BBX: variants seen among roughly 807,000 people sequenced by gnomAD.
BBX encodes HMG box transcription factor BBX.
Under a neutral mutation model 100.2 loss-of-function variants are expected in BBX, and 30 were observed. That is an observed-to-expected ratio of 0.30 (90% CI 0.22 to 0.41). The LOEUF (loss-of-function observed/expected upper bound fraction) is 0.41. Among genes scored for constraint, BBX ranks in the 10% least tolerant of loss-of-function variants. BBX has a pLI of 1.00. For synonymous variants in BBX, 376 were observed against 388.1 expected (o/e 0.97, Z 0.37); for missense variants, 1,023 against 1,129.8 (o/e 0.91, Z 1.35).
chr3:107,611,090 T>C (rs556783612), intron 2 of BBX, among the ~76,000 whole-genome samples: 2 of 152,280 alleles, frequency 1.3e-5, no homozygotes, highest in South Asian at 4.1e-4. Context: ...TTAACACTGC[T>C]TGCCTAAACA....
chr3:107,595,791 T>G (rs1469649230), intron 2 of BBX, among the ~76,000 whole-genome samples: 1 of 152,216 alleles, frequency 6.6e-6, no homozygotes, highest in Non-Finnish European at 1.5e-5. Flanking sequence ...TAAAGCTTAC[T>G]CTTGAACAAC....
chr3:107,664,826 T>TA (rs2058656807), intron 3 of BBX, among the ~76,000 whole-genome samples: 1 of 152,226 alleles, frequency 6.6e-6, no homozygotes, highest in African/African-American at 2.4e-5. Context: ...CACAGAGGAC[T>TA]ATTTGCAAGC....
chr3:107,699,307 T>C (rs2060882095), intron 3 of BBX, among the ~76,000 whole-genome samples: 1 of 151,400 alleles, frequency 6.6e-6, no homozygotes, highest in East Asian at 1.9e-4. Flanking sequence ...GAGGTGGGAG[T>C]GCATGGCAAG....
intron 2 of BBX, among the ~76,000 whole-genome samples, chr3:107,601,077 G>A (rs940351654): frequency 6.6e-6 from 1 of 152,124 alleles, no homozygotes; most frequent in Admixed American, 6.6e-5. Context: ...TGATCTGTGA[G>A]GAGTGCTCTT....
intron 3 of BBX, among the ~76,000 whole-genome samples, chr3:107,677,160 T>C (rs888398137): frequency 8.5e-5 from 13 of 152,186 alleles, no homozygotes. Flanking sequence ...TAACCTGTAC[T>C]AATAACATTG....
intron 2 of BBX, among the ~76,000 whole-genome samples, chr3:107,622,984 C>T (rs1349692175): frequency 6.6e-6 from 1 of 152,174 alleles, no homozygotes; most frequent in Non-Finnish European, 1.5e-5. Context: ...GTGCTCTGAT[C>T]AGTAGTTCAG....
intron 2 of BBX, among the ~76,000 whole-genome samples, chr3:107,591,604 C>A (rs1396339580): frequency 6.6e-6 from 1 of 152,224 alleles, no homozygotes; most frequent in African/African-American, 2.4e-5. Context: ...CCTCCTGCCT[C>A]ATACTCCCGA....
intron 13 of BBX, among the ~76,000 whole-genome samples, chr3:107,780,271 C>G (rs2067740148): frequency 6.6e-6 from 1 of 152,084 alleles, no homozygotes; most frequent in South Asian, 2.1e-4. Context: ...GATAGATGTG[C>G]AGGACATTAT....
chr3:107,598,777 C>T (rs1217271744), intron 2 of BBX, among the ~76,000 whole-genome samples: 1 of 152,232 alleles, frequency 6.6e-6, no homozygotes, highest in African/African-American at 2.4e-5. Flanking sequence ...TTGCATTCCT[C>T]ACCTCAATCC....
chr3:107,662,278 G>C (rs1170395147), intron 3 of BBX, among the ~76,000 whole-genome samples: 3 of 152,188 alleles, frequency 2.0e-5, no homozygotes, highest in Non-Finnish European at 4.4e-5. Context: ...AGGAAAGAGA[G>C]AGTGGAAGTG....
chr3:107,553,417 C>G (rs2049849030), intron 2 of BBX, among the ~76,000 whole-genome samples: 1 of 152,172 alleles, frequency 6.6e-6, no homozygotes, highest in African/African-American at 2.4e-5. Flanking sequence ...ACTCTAGAGG[C>G]TAAGTCAGTT....
intron 3 of BBX, among the ~76,000 whole-genome samples, chr3:107,692,615 G>C (rs1426858639): frequency 1.3e-5 from 2 of 151,936 alleles, no homozygotes; most frequent in East Asian, 3.9e-4. Flanking sequence ...CATTTGGGTT[G>C]GTTCCAAGTC....
At chr3:107,790,275 G>T (rs543320452) in intron 14 of BBX, among the ~76,000 whole-genome samples, 1 of 152,010 alleles carries the variant, frequency 6.6e-6, no homozygotes, top group Non-Finnish European at 1.5e-5. Context: ...TTACAGTTTC[G>T]TGTTCATGTG....
chr3:107,685,060 T>C (rs2059771699), intron 3 of BBX, among the ~76,000 whole-genome samples: 1 of 152,216 alleles, frequency 6.6e-6, no homozygotes, highest in Non-Finnish European at 1.5e-5. Flanking sequence ...AAGAGACTTC[T>C]GCCAAATAAT....
At chr3:107,706,022 CTT>C (rs35648451) in intron 3 of BBX, among the ~76,000 whole-genome samples, 14 of 128,814 alleles carry the variant, frequency 1.1e-4, no homozygotes, top group South Asian at 2.5e-4. Flanking sequence ...GAGCTTGCTA[CTT>C]TTTTTTTTTT....
chr3:107,609,596 A>G (rs115399756), intron 2 of BBX, among the ~76,000 whole-genome samples: 23 of 152,184 alleles, frequency 1.5e-4, no homozygotes, highest in Non-Finnish European at 2.8e-4. Context: ...TTATCATTCA[A>G]TATTGGTAAG....
chr3:107,715,733 C>T (rs745962102), intron 4 of BBX, among the ~76,000 whole-genome samples: 2 of 152,212 alleles, frequency 1.3e-5, no homozygotes, highest in African/African-American at 4.8e-5. Context: ...GAAGACTAGG[C>T]GTAGGCCAAA....
At chr3:107,603,572 G>A (rs1411337302) in intron 2 of BBX, among the ~76,000 whole-genome samples, 1 of 151,392 alleles carries the variant, frequency 6.6e-6, no homozygotes, top group East Asian at 2.0e-4. Flanking sequence ...AGAGATGGGG[G>A]TTTCACCATG....
chr3:107,607,708 C>G (rs1377383361), intron 2 of BBX, among the ~76,000 whole-genome samples: 2 of 152,162 alleles, frequency 1.3e-5, no homozygotes, highest in Non-Finnish European at 2.9e-5. Context: ...TTCTCCGTAT[C>G]CTTGCCAGCA....
Sources: allele counts gnomAD v4.1 joint callset (sites outside exome capture counted in the v4.1 genomes callset), GRCh38; gene constraint gnomAD v4.1.1; transcripts MANE v1.5; gene names NCBI Gene and HGNC (gene_info 2026-07-23, HGNC 2026-07-21).